BPIFB1: variants seen among roughly 807,000 people sequenced by gnomAD.
The protein encoded by BPIFB1 is BPI fold-containing family B member 1.
A neutral mutation model predicts 55.1 loss-of-function variants in BPIFB1; 34 were observed. The ratio of observed to expected loss-of-function variants is 0.62; its 90% confidence interval spans 0.47 to 0.82. The LOEUF is 0.82. Among genes scored for constraint, BPIFB1 ranks in the 40% least tolerant of loss-of-function variants. The pLI is 0.00. For missense variants in BPIFB1, 532 were observed against 593.1 expected, an observed-to-expected ratio of 0.90 and a Z score of 1.07; for synonymous variants, 236 against 245.3, an observed-to-expected ratio of 0.96 and a Z score of 0.35.
intron 1 of BPIFB1, among the ~76,000 whole-genome samples, chr20:33,285,769 T>C (rs982895502): frequency 2.2e-4 from 34 of 151,746 alleles, no homozygotes; most frequent in Admixed American, 5.2e-4. Context: ...GTGCTTACCA[T>C]GTGAAAGACA....
chr20:33,305,490 T>A (rs1600670223), intron 13 of BPIFB1, among the ~76,000 whole-genome samples: 1 of 151,960 alleles, frequency 6.6e-6, no homozygotes, highest in Non-Finnish European at 1.5e-5. Context: ...GCTAATTTTT[T>A]GTACTTTTAG....
intron 11 of BPIFB1, among the ~76,000 whole-genome samples, chr20:33,303,690 C>G (rs1402287913): frequency 6.6e-6 from 1 of 152,150 alleles, no homozygotes; most frequent in Non-Finnish European, 1.5e-5. Context: ...AGTGAGGGCT[C>G]TATGAATAGT....
Position 33,304,824 on chromosome 20 carries a change from T to C in BPIFB1, c.1209-22T>C, listed in dbSNP as rs1259631367. ...ATGAGTGGGACTTCAGGGGCCGCTC[T>C]CACAGGCATCTTCCATTGCAGCTCT... On this transcript the variant is annotated intron_variant, in intron 12 of 15. Coordinates refer to ENST00000253354, the MANE Select transcript of BPIFB1 (RefSeq NM_033197.3). 3 of 1,614,194 alleles carry C rather than the reference T, an allele frequency of 1.9e-6. No homozygotes were observed. In the South Asian group the frequency reaches 3.3e-5, roughly 18 times the overall value.
At chr20:33,292,104 G>T in intron 6 of BPIFB1, 116 bp downstream of exon 6, 1 of 937,716 alleles carries the variant, frequency 1.1e-6, no homozygotes, top group Non-Finnish European at 1.7e-6. Flanking sequence ...TTTGCTGAAA[G>T]AATTATCTGG....
intron 1 of BPIFB1, among the ~76,000 whole-genome samples, chr20:33,284,716 A>T (rs75516672): frequency 0.062 from 9,368 of 152,084 alleles, 325 homozygotes; most frequent in African/African-American, 0.091. Flanking sequence ...AGGAGCTTCC[A>T]TGGGGGGCTG....
chr20:33,295,562 G>C (rs1028852361), intron 6 of BPIFB1, among the ~76,000 whole-genome samples: 1 of 151,760 alleles, frequency 6.6e-6, no homozygotes, highest in Non-Finnish European at 1.5e-5. Flanking sequence ...CTGGGAGGTG[G>C]AGGTTGCAGT....
chr20:33,300,213 C>T lies in BPIFB1; in HGVS notation c.747+229C>T, dbSNP rs573248466. 2.4e-4 allele frequency among the ~76,000 whole-genome samples: 37 copies of T among 152,210 alleles called. 1 individual carries two copies. The highest frequency in any genetic ancestry group is 8.2e-4 in the African/African-American group (34 of 41,516). ...TCACCCAGAGTGACATGGGGGGGCC[C>T]GAGTGGGGACACTGGGCCCTCAGCC... On this transcript the variant is annotated intron_variant, in intron 8 of 15. Coordinates refer to ENST00000253354, the MANE Select transcript of BPIFB1 (RefSeq NM_033197.3).
intron 1 of BPIFB1, among the ~76,000 whole-genome samples, 199 bp downstream of exon 1, chr20:33,283,453 G>A (rs1008474504): frequency 6.6e-6 from 1 of 152,188 alleles, no homozygotes; most frequent in African/African-American, 2.4e-5. Context: ...GGGCAGTGAC[G>A]AAGGGATGGG....
chr20:33,290,057 G>A (rs577553279), intron 4 of BPIFB1, 65 bp downstream of exon 4: 55 of 1,246,264 alleles, frequency 4.4e-5, no homozygotes, highest in African/African-American at 1.6e-4. Context: ...CCCCTCCCCC[G>A]CCCCCACCAT....
intron 1 of BPIFB1, among the ~76,000 whole-genome samples, chr20:33,284,634 T>G (rs1037162023): frequency 6.6e-6 from 1 of 152,180 alleles, no homozygotes; most frequent in Admixed American, 6.5e-5. Context: ...GAAATCCACA[T>G]GCTGAACCAA....
chr20:33,288,796 G>C lies in BPIFB1; in HGVS notation c.171G>C (p.Pro57=), dbSNP rs150010004. 2 of 1,613,872 alleles carry C rather than the reference G, an allele frequency of 1.2e-6. No homozygotes were observed. Among genetic ancestry groups the C allele is most frequent in the Non-Finnish European group, 8.5e-7 (1 of 1,180,038 alleles). The change falls in exon 3 of 16, where the codon CCG becomes CCC. Residue 57 remains proline (P), a synonymous_variant. Transcript: ENST00000253354. ...HNATSILQQL[P]LLSAMREKPA... is the part of the protein sequence containing the mutation. ...CCACCAGCATCCTGCAGCAGCTGCCGCTGCTCAGTGCCATGCGGGAAAAGC... is the reference window on the plus strand; with the variant it reads ...CCACCAGCATCCTGCAGCAGCTGCCCCTGCTCAGTGCCATGCGGGAAAAGC...
At chr20:33,291,531 C>T (rs1322734479) in intron 5 of BPIFB1, among the ~76,000 whole-genome samples, 3 of 152,218 alleles carry the variant, frequency 2.0e-5, no homozygotes, top group Non-Finnish European at 1.5e-5. Context: ...GTAATGACAC[C>T]TTCCAGGCAG....
At chr20:33,291,228 C>T in intron 5 of BPIFB1, 122 bp downstream of exon 5, 1 of 1,255,396 alleles carries the variant, frequency 8.0e-7, no homozygotes, top group South Asian at 1.5e-5. Context: ...GACTTATCCC[C>T]TCCTGATTCC....
At chr20:33,304,074 G>A (rs774947240) in intron 12 of BPIFB1, 49 bp downstream of exon 12, 76 of 1,542,298 alleles carry the variant, frequency 4.9e-5, no homozygotes, top group African/African-American at 9.6e-5. Context: ...AATGAGTCCC[G>A]CCTGGTAACC....
chr20:33,286,007 C>A, intron 1 of BPIFB1, 26 bp from the exon 2 acceptor site: 1 of 1,504,172 alleles, frequency 6.6e-7, no homozygotes, highest in Non-Finnish European at 9.2e-7. Context: ...GCCCCTCTGC[C>A]TCAGGTCCCT....
intron 10 of BPIFB1, 65 bp downstream of exon 10, chr20:33,302,477 G>A (rs566399490): frequency 1.3e-6 from 2 of 1,549,266 alleles, no homozygotes; most frequent in African/African-American, 2.7e-5. Context: ...GGCCTCTGGG[G>A]AGGAGAATCT....
At chr20:33,298,067 T>C (rs1362642004) in intron 7 of BPIFB1, among the ~76,000 whole-genome samples, 1 of 152,032 alleles carries the variant, frequency 6.6e-6, no homozygotes, top group East Asian at 1.9e-4. Flanking sequence ...GATGGATGGA[T>C]GGACAGACAG....
chr20:33,309,545 A>T lies in BPIFB1; in HGVS notation c.1396-163A>T, dbSNP rs1219925119. On this transcript the variant is annotated intron_variant, in intron 15 of 15. Coordinates refer to ENST00000253354, the MANE Select transcript of BPIFB1 (RefSeq NM_033197.3). This position sits in a 1 kb window ranked among gnomAD's most constrained non-coding sequence, Gnocchi z 4.4. The stretch of plus-strand genomic sequence containing the variant: ...GACCTGGTGTGGCATTAATGTTCAC[A>T]CACAGACCCTCCACCCCGACCCTTC... Among the ~76,000 whole-genome samples the T allele has an allele frequency of 6.6e-6, 1 of 152,224 alleles. No homozygotes were observed.
At chr20:33,294,481 T>C (rs1980569999) in intron 6 of BPIFB1, among the ~76,000 whole-genome samples, 1 of 152,212 alleles carries the variant, frequency 6.6e-6, no homozygotes, top group African/African-American at 2.4e-5. Flanking sequence ...AGGGAGTTTT[T>C]TAAAGGGAAT....
Sources: gnomAD v4.1 joint callset for allele counts (sites outside exome capture counted in the v4.1 genomes callset) on GRCh38, gnomAD v4.1.1 for gene constraint, Gnocchi (gnomAD v3.1) non-coding constraint, MANE v1.5 for transcripts, NCBI Gene and HGNC (gene_info 2026-07-23, HGNC 2026-07-21) for gene names.